The following PSMF1 variants were observed in gnomAD, a reference collection of about 807,000 sequenced individuals.
The protein encoded by PSMF1 is proteasome inhibitor PI31 subunit.
Under a neutral mutation model 29.3 loss-of-function variants are expected in PSMF1, and 30 were observed. The ratio of observed to expected loss-of-function variants is 1.02; its 90% CI spans 0.77 to 1.39. The LOEUF (loss-of-function observed/expected upper bound fraction) is 1.39, where lower values mean the gene tolerates loss of function less well. Among genes scored for constraint, PSMF1 ranks in the 40% most tolerant of loss-of-function variants. The pLI is 0.00. For missense variants in PSMF1, 344 were observed against 357.5 expected, an observed-to-expected ratio of 0.96 and a Z score of 0.31; for synonymous variants, 134 against 139.7, an observed-to-expected ratio of 0.96 and a Z score of 0.29.
In PSMF1 at chr20:1,126,997, A is replaced by G. The variant is rs746605583; in HGVS notation, c.283-429A>G. Reference sequence around the variant, plus strand: ...ACCACTGCTGCCACCACCACTGCCCAGTATTAGATACTGGCTGATTCTGTC... The same window carrying G: ...ACCACTGCTGCCACCACCACTGCCCGGTATTAGATACTGGCTGATTCTGTC... On this transcript the variant is annotated intron_variant, in intron 2 of 6. Coordinates refer to ENST00000335877, the MANE Select transcript of PSMF1 (RefSeq NM_006814.5). Among the ~76,000 whole-genome samples the G allele has an allele frequency of 7.9e-5, 12 of 152,212 alleles. 1 individual carries two copies. The highest frequency in any genetic ancestry group is 1.2e-4 in the African/African-American group (5 of 41,454).
At chr20:1,161,200 G>A (rs532793698) in intron 4 of PSMF1, 17 of 324,222 alleles carry the variant, frequency 5.2e-5, no homozygotes, top group Non-Finnish European at 8.5e-5. Context: ...GAGATCATGC[G>A]TGACATCAAG....
rs2086705550 is a variant in PSMF1, at chr20:1,164,520, A to G, written c.764+44A>G. The G allele has an allele frequency of 6.2e-7, 1 of 1,605,638 alleles. No homozygotes were observed. The highest frequency in any genetic ancestry group is 8.5e-7 in the Non-Finnish European group (1 of 1,173,564). ...ATGCTGAGAAGTAGGACCTGATGGC[A>G]GCTTGGTTCAGTGTGGCAGCAATGA... On this transcript the variant is annotated intron_variant, in intron 6 of 6. Coordinates refer to ENST00000335877, the MANE Select transcript of PSMF1 (RefSeq NM_006814.5). This position sits in a 1 kb window ranked among gnomAD's most constrained non-coding sequence, Gnocchi z 4.1.
chr20:1,161,675 A>G (rs1462004506), intron 4 of PSMF1: 2 of 664,984 alleles, frequency 3.0e-6, no homozygotes, highest in Non-Finnish European at 5.6e-6. Context: ...GGGCCCCTCC[A>G]TGTCCACCAC....
chr20:1,142,413 C>G (rs2086394133), intron 4 of PSMF1, among the ~76,000 whole-genome samples: 1 of 152,000 alleles, frequency 6.6e-6, no homozygotes, highest in Admixed American at 6.6e-5. Context: ...AATGCTATCC[C>G]TCCCTCCTCC....
chr20:1,134,008 A>G (rs1035901974), intron 3 of PSMF1, among the ~76,000 whole-genome samples: 1 of 151,028 alleles, frequency 6.6e-6, no homozygotes, highest in African/African-American at 2.4e-5. Context: ...TGTATTTGTC[A>G]GTCTCGCCAG....
chr20:1,140,393 T>C (rs2086366716), intron 4 of PSMF1, among the ~76,000 whole-genome samples: 2 of 152,192 alleles, frequency 1.3e-5, no homozygotes. Flanking sequence ...ATTGGATATC[T>C]ACATGCAAAA....
rs118094736 is a variant in PSMF1 at position 1,128,349 on chromosome 20, T to C, written c.365+841T>C. On this transcript the variant is annotated intron_variant, in intron 3 of 6. Coordinates refer to ENST00000335877, the MANE Select transcript of PSMF1 (RefSeq NM_006814.5). ...TTAATATAACACTACAGGATTCTTTTTCTCTTATTCCATACTTATATCTCC... is the reference window on the plus strand; with the variant it reads ...TTAATATAACACTACAGGATTCTTTCTCTCTTATTCCATACTTATATCTCC... Among the ~76,000 whole-genome samples the C allele has an allele frequency of 2.5e-4, 38 of 152,346 alleles. 1 individual carries two copies. The East Asian group carries it at 7.1e-3, about 29-fold the overall frequency.
At chr20:1,135,072 G>C (rs775177453) in intron 3 of PSMF1, 49 bp from the exon 4 acceptor site, 1 of 1,598,144 alleles carries the variant, frequency 6.3e-7, no homozygotes, top group Non-Finnish European at 8.6e-7. Context: ...ACCACTTCCA[G>C]GGTTCCTAGC....
rs565193600 is a variant in PSMF1 at position 1,171,836 on chromosome 20, C to T, written c.*6756C>T. On this transcript the variant is annotated 3_prime_UTR_variant, in exon 7 of 7. Transcript: ENST00000335877. ...GTGTCTTGCCACCCAATACAGAGCC[C>T]TGCCCTCTCCCTCTCCTTCAGAAGG... 6.6e-6 allele frequency among the ~76,000 whole-genome samples: 1 copy of T among 152,344 alleles called. No individual in the cohort carries two copies. Among genetic ancestry groups the T allele is most frequent in the Non-Finnish European group, 1.5e-5 (1 of 68,040 alleles).
intron 1 of PSMF1, chr20:1,113,445 AACACACACACACACACAC>A (rs58779664): frequency 1.6e-4 from 18 of 114,538 alleles, no homozygotes; most frequent in Admixed American, 7.4e-4. Context: ...GATCAGGGGC[AACACACACACACACACAC>A]ACACACACAC....
chr20:1,142,056 T>C (rs1352543762), intron 4 of PSMF1, among the ~76,000 whole-genome samples: 1 of 152,074 alleles, frequency 6.6e-6, no homozygotes, highest in Non-Finnish European at 1.5e-5. Context: ...ACCCCGTCTC[T>C]ACTAAAAATA....
chr20:1,148,036 A>G (rs1201548919), intron 4 of PSMF1, among the ~76,000 whole-genome samples: 1 of 151,778 alleles, frequency 6.6e-6, no homozygotes, highest in Non-Finnish European at 1.5e-5. Context: ...CACCTTAAAC[A>G]CTCTTGTTTT....
chr20:1,152,242 ATC>A (rs1437522281), intron 4 of PSMF1, among the ~76,000 whole-genome samples: 2 of 152,348 alleles, frequency 1.3e-5, no homozygotes, highest in East Asian at 3.9e-4. Context: ...TGCTCTTGGT[ATC>A]TCTGTTTTAT....
chr20:1,146,465 G>T lies in PSMF1; in HGVS notation c.551+11159G>T, dbSNP rs183889800. Among the ~76,000 whole-genome samples, 21 of 152,272 alleles carry T rather than the reference G, an allele frequency of 1.4e-4. No homozygotes were observed. The East Asian group carries it at 4.1e-3, about 29-fold the overall frequency. On this transcript the variant is annotated intron_variant, in intron 4 of 6. Coordinates refer to ENST00000335877, the MANE Select transcript of PSMF1 (RefSeq NM_006814.5). The stretch of plus-strand genomic sequence containing the variant: ...TGGGGCCAGATTTGGGGAAGCCCCT[G>T]ATGTGAAGTACACGAATCTCCCTGT...
At chr20:1,161,270 CT>C in intron 4 of PSMF1, 1 of 320,412 alleles carries the variant, frequency 3.1e-6, no homozygotes, top group Non-Finnish European at 6.0e-6. Context: ...CTATGTCATC[CT>C]TCTCCCTGGA....
In PSMF1 at chr20:1,170,481, C is replaced by T. The variant is rs1163697421; in HGVS notation, c.*5401C>T. On this transcript the variant is annotated 3_prime_UTR_variant, in exon 7 of 7. Coordinates refer to ENST00000335877, the MANE Select transcript of PSMF1 (RefSeq NM_006814.5). ...CATGTTATCTTTAAAAATGCAGCACCTTTATAGCATACATTATATCTTCAA... is the reference window on the plus strand; with the variant it reads ...CATGTTATCTTTAAAAATGCAGCACTTTTATAGCATACATTATATCTTCAA... Among the ~76,000 whole-genome samples, 2 of 152,126 alleles carry T rather than the reference C, an allele frequency of 1.3e-5. No homozygotes were observed. The highest frequency in any genetic ancestry group is 2.9e-5 in the Non-Finnish European group (2 of 68,030).
intron 1 of PSMF1, among the ~76,000 whole-genome samples, chr20:1,121,641 TAAG>T (rs961888674): frequency 1.3e-5 from 2 of 152,228 alleles, no homozygotes; most frequent in East Asian, 3.9e-4. Context: ...CTGGGGGTGA[TAAG>T]AAGGAGAGGA....
At chr20:1,134,580 G>T (rs540539537) in intron 3 of PSMF1, among the ~76,000 whole-genome samples, 1 of 152,272 alleles carries the variant, frequency 6.6e-6, no homozygotes, top group South Asian at 2.1e-4. Context: ...TGTGGCTCAC[G>T]TCACTTGTCT....
chr20:1,146,571 C>T (rs2086452494), intron 4 of PSMF1, among the ~76,000 whole-genome samples: 1 of 152,156 alleles, frequency 6.6e-6, no homozygotes, highest in Non-Finnish European at 1.5e-5. Context: ...GAGGATCAGG[C>T]AGAAGATTGA....
Sources: allele counts gnomAD v4.1 joint callset (sites outside exome capture counted in the v4.1 genomes callset), GRCh38; gene constraint gnomAD v4.1.1; non-coding constraint Gnocchi (gnomAD v3.1); transcripts MANE v1.5; gene names NCBI Gene and HGNC (gene_info 2026-07-23, HGNC 2026-07-21).